AP3B1: variants seen among roughly 807,000 people sequenced by gnomAD.
AP3B1 encodes the protein adaptor related protein complex 3 subunit beta 1.
In AP3B1, 61 loss-of-function variants were observed where a neutral mutation model predicts 132.5. The ratio of observed to expected loss-of-function variants is 0.46; its 90% CI spans 0.37 to 0.57. The LOEUF is 0.57. Among genes scored for constraint, AP3B1 ranks in the 20% least tolerant of loss-of-function variants. The pLI is 0.00. For synonymous variants in AP3B1, 388 were observed against 438.3 expected, an observed-to-expected ratio of 0.89 and a Z score of 1.43; for missense variants, 1,120 against 1,289.4, an observed-to-expected ratio of 0.87 and a Z score of 2.01.
intron 2 of AP3B1, among the ~76,000 whole-genome samples, chr5:78,256,653 C>T (rs1041212667): frequency 1.3e-5 from 2 of 152,076 alleles, no homozygotes; most frequent in African/African-American, 4.8e-5. Flanking sequence ...GGGAATACTT[C>T]CAAACTCATT....
At chr5:78,043,528 T>C in intron 22 of AP3B1, 1 of 390,838 alleles carries the variant, frequency 2.6e-6, no homozygotes, top group Non-Finnish European at 5.1e-6. Flanking sequence ...GGATAGGCTA[T>C]GAACTGTAAG....
At chr5:78,248,187 A>T (rs1747457115) in intron 2 of AP3B1, among the ~76,000 whole-genome samples, 1 of 152,288 alleles carries the variant, frequency 6.6e-6, no homozygotes. Context: ...ACACTGTACC[A>T]GATCAAGAAA....
At chr5:78,166,789 G>A (rs1743653255) in intron 11 of AP3B1, among the ~76,000 whole-genome samples, 2 of 152,268 alleles carry the variant, frequency 1.3e-5, no homozygotes, top group South Asian at 4.1e-4. Context: ...TAATTGGCAA[G>A]CCACATGTAG....
downstream of AP3B1, chr5:78,001,344 G>A (rs960323209): frequency 6.6e-6 from 1 of 152,208 alleles, no homozygotes; most frequent in African/African-American, 2.4e-5. Context: ...CCAACGACCT[G>A]CGATTACAAA....
intron 1 of AP3B1, among the ~76,000 whole-genome samples, chr5:78,291,166 C>T (rs1749497086): frequency 6.6e-6 from 1 of 151,472 alleles, no homozygotes; most frequent in Admixed American, 6.6e-5. Context: ...CAAAAATTGC[C>T]GATAATACTA....
intron 26 of AP3B1, among the ~76,000 whole-genome samples, chr5:78,011,176 G>A (rs370615747): frequency 6.6e-6 from 1 of 151,500 alleles, no homozygotes; most frequent in Admixed American, 6.6e-5. Flanking sequence ...CCAAGTAGCT[G>A]GGATTACAGG....
intron 25 of AP3B1, among the ~76,000 whole-genome samples, chr5:78,016,611 A>C (rs952681370): frequency 1.3e-5 from 2 of 152,112 alleles, no homozygotes; most frequent in Non-Finnish European, 2.9e-5. Flanking sequence ...TATTTAATTT[A>C]GTTATTTATT....
At chr5:78,193,732 G>GTGTA (rs1340871803) in intron 7 of AP3B1, among the ~76,000 whole-genome samples, 12 of 89,240 alleles carry the variant, frequency 1.3e-4, no homozygotes, top group African/African-American at 4.0e-4. Flanking sequence ...TTAAATATTT[G>GTGTA]TATATATTTT....
At chr5:78,075,789 C>T (rs578109059) in intron 22 of AP3B1, among the ~76,000 whole-genome samples, 3 of 152,334 alleles carry the variant, frequency 2.0e-5, no homozygotes, top group Admixed American at 6.5e-5. Flanking sequence ...TGCTGCCAAA[C>T]TTAACGTCAT....
At chr5:78,274,531 A>C (rs958116576) in intron 1 of AP3B1, among the ~76,000 whole-genome samples, 1 of 152,108 alleles carries the variant, frequency 6.6e-6, no homozygotes, top group Non-Finnish European at 1.5e-5. Flanking sequence ...AAACCCACAT[A>C]TTTAAAAATC....
At position 78,096,715 on chromosome 5, in the gene AP3B1, G is replaced by A. The variant is rs550486705; in HGVS notation, c.2470+4238C>T. Among the ~76,000 whole-genome samples, 6 of 150,556 alleles carry A rather than the reference G, an allele frequency of 4.0e-5. No homozygotes were observed. The East Asian group carries it at 1.0e-3, about 25-fold the overall frequency. On this transcript the variant is annotated intron_variant, in intron 21 of 26. Transcript: ENST00000255194. The stretch of plus-strand genomic sequence containing the variant: ...CTGCCCAGCCGCCCCATCTGAGAAG[G>A]GAGGAGACCCTCCACCCGGCAACTG...
At chr5:78,044,555 AT>A (rs1748239911) in intron 22 of AP3B1, among the ~76,000 whole-genome samples, 1 of 152,252 alleles carries the variant, frequency 6.6e-6, no homozygotes, top group South Asian at 2.1e-4. Context: ...TGAAACTGTA[AT>A]GTAAAAGGGA....
intron 22 of AP3B1, among the ~76,000 whole-genome samples, chr5:78,077,489 C>A (rs1211154284): frequency 5.3e-5 from 8 of 152,160 alleles, no homozygotes; most frequent in Admixed American, 5.2e-4. Context: ...TGTACCGGCA[C>A]ACAAAAAGAT....
chr5:78,274,863 C>T (rs1748704669), intron 1 of AP3B1, among the ~76,000 whole-genome samples: 1 of 152,038 alleles, frequency 6.6e-6, no homozygotes, highest in Admixed American at 6.6e-5. Flanking sequence ...GAGTTCAAGG[C>T]TGCAGTGAGC....
chr5:78,266,549 T>C (rs765756684), intron 2 of AP3B1, among the ~76,000 whole-genome samples: 79 of 152,202 alleles, frequency 5.2e-4, no homozygotes, highest in Non-Finnish European at 9.9e-4. Context: ...TCTCATACGA[T>C]GGCACTGCCT....
intron 25 of AP3B1, among the ~76,000 whole-genome samples, chr5:78,017,128 T>C (rs1407562220): frequency 1.3e-5 from 2 of 152,090 alleles, no homozygotes; most frequent in Non-Finnish European, 2.9e-5. Flanking sequence ...AACACTCTTG[T>C]CATTAATGGT....
At chr5:78,021,346 G>A (rs1311519582) in intron 24 of AP3B1, among the ~76,000 whole-genome samples, 1 of 151,948 alleles carries the variant, frequency 6.6e-6, no homozygotes, top group Non-Finnish European at 1.5e-5. Context: ...GCTATTCATT[G>A]ACATTATTGA....
At chr5:78,248,441 C>T (rs542413445) in intron 2 of AP3B1, among the ~76,000 whole-genome samples, 2 of 141,376 alleles carry the variant, frequency 1.4e-5, no homozygotes, top group South Asian at 2.2e-4. Flanking sequence ...TGCAGTGAGC[C>T]GAGATCACAC....
chr5:78,156,285 A>G lies in AP3B1; in HGVS notation c.1446T>C (p.His482=). 3 of 1,613,524 alleles carry G rather than the reference A, an allele frequency of 1.9e-6. No individual in the cohort carries two copies. The highest frequency in any genetic ancestry group is 2.5e-6 in the Non-Finnish European group (3 of 1,179,588). The part of the protein sequence containing the change: ...QPAQHGEIIK[H]MAKLLDSITV... ...TGATACTGTCCAGGAGTTTGGCCAT[A>G]TGTTTAATAATTTCACCATGTTGTG... The change falls in exon 14 of 27, where the codon CAT becomes CAC. Residue 482 remains histidine (H), a synonymous_variant. Coordinates refer to ENST00000255194, the MANE Select transcript of AP3B1 (RefSeq NM_003664.5).
Sources: allele counts gnomAD v4.1 joint callset (sites outside exome capture counted in the v4.1 genomes callset), GRCh38; gene constraint gnomAD v4.1.1; transcripts MANE v1.5; gene names NCBI Gene and HGNC (gene_info 2026-07-23, HGNC 2026-07-21).